Variants in LIPE observed in about 807,000 individuals in gnomAD.
The protein encoded by LIPE is hormone-sensitive lipase.
In LIPE, 66 loss-of-function variants were observed where a neutral mutation model predicts 88.5. The ratio of observed to expected loss-of-function variants is 0.75; its 90% confidence interval spans 0.61 to 0.91. The LOEUF (loss-of-function observed/expected upper bound fraction) is 0.91. Ranked by LOEUF, LIPE falls within the 40% of genes least tolerant of loss-of-function variation. The probability of loss-of-function intolerance (pLI) is 0.00; values close to 1 mark genes in which losing one functional copy is unlikely to be tolerated. For missense variants in LIPE, 1,346 were observed against 1,434.7 expected, an observed-to-expected ratio of 0.94 and a Z score of 1.00; for synonymous variants, 570 against 617.5, an observed-to-expected ratio of 0.92 and a Z score of 1.14.
chr19:42,413,922 G>T (rs2040435564), intron 1 of LIPE, among the ~76,000 whole-genome samples: 1 of 152,208 alleles, frequency 6.6e-6, no homozygotes, highest in African/African-American at 2.4e-5. Flanking sequence ...CCTCCCCAGG[G>T]CTGGCAGACA....
At position 42,401,959 on chromosome 19, in the gene LIPE, G is replaced by C; in HGVS notation, c.3084C>G (p.Thr1028=). The C allele has an allele frequency of 6.4e-7, 1 of 1,558,442 alleles. No individual in the cohort carries two copies. Reference sequence around the variant, plus strand: ...GCGTCTCGCGGCACAGCGCCGCTAGGGTCAGGAAGCCGTGCGGCAGGTCCT... The same window carrying C: ...GCGTCTCGCGGCACAGCGCCGCTAGCGTCAGGAAGCCGTGCGGCAGGTCCT... ...VVEDLPHGFL[T]LAALCRETRQ... Residue 1028 remains threonine, a synonymous_variant, in exon 10 of 10, where the codon ACC becomes ACG. Coordinates refer to ENST00000244289, the MANE Select transcript of LIPE (RefSeq NM_005357.4).
At chr19:42,402,326 C>A (rs1196147706) in intron 9 of LIPE, among the ~76,000 whole-genome samples, 1 of 152,098 alleles carries the variant, frequency 6.6e-6, no homozygotes, top group African/African-American at 2.4e-5. Context: ...CTCCCCACCC[C>A]GCCAAACCCA....
intron 1 of LIPE, chr19:42,423,441 C>T (rs1405687666): frequency 7.8e-7 from 1 of 1,289,530 alleles, no homozygotes; most frequent in Admixed American, 2.3e-5. Flanking sequence ...CTTTTCGCCA[C>T]CGCCGGCGAC....
rs540099534 is a variant in LIPE at position 42,414,853 on chromosome 19, C to G, written c.884-4011G>C. Among the ~76,000 whole-genome samples the G allele has an allele frequency of 6.6e-6, 1 of 152,190 alleles. No homozygotes were observed. On this transcript the variant is annotated intron_variant, in intron 1 of 9. Coordinates refer to ENST00000244289, the MANE Select transcript of LIPE (RefSeq NM_005357.4). This position sits in a 1 kb window ranked among gnomAD's most constrained non-coding sequence, Gnocchi z 4.6. ...GTCCACGTAAGAGGGCGAACTTTACCGATTAATGCTGTGTGTGTTCTGACT... is the reference window on the plus strand; with the variant it reads ...GTCCACGTAAGAGGGCGAACTTTACGGATTAATGCTGTGTGTGTTCTGACT...
rs778774638 is a variant in LIPE at position 42,410,429 on chromosome 19, G to C, written c.1297C>G (p.Leu433Val). ...AGTACCCCCGGCCGATTGGTAACCAGCAGGCGCTGGGCGTAGTAGACCAGA... is the reference window on the plus strand; with the variant it reads ...AGTACCCCCGGCCGATTGGTAACCACCAGGCGCTGGGCGTAGTAGACCAGA... Reference protein sequence around the residue: ...RALVYYAQRLLVTNRPGVLFF... With the variant: ...RALVYYAQRLVVTNRPGVLFF... The change falls in exon 2 of 10, where the codon CTG becomes GTG. Residue 433 changes from leucine to valine, a missense_variant. Leu to Val is a conservative substitution (Grantham distance 32). Transcript: ENST00000244289. This position sits in a 1 kb window ranked among gnomAD's most constrained non-coding sequence, Gnocchi z 6.1. 1.2e-6 allele frequency: 2 copies of C among 1,614,098 alleles called. No individual in the cohort carries two copies. The highest frequency in any genetic ancestry group is 1.7e-5 in the Admixed American group (1 of 60,016).
At chr19:42,426,191 C>T (rs1043157239) in intron 1 of LIPE, 76 bp downstream of exon 1, 25 of 1,449,232 alleles carry the variant, frequency 1.7e-5, no homozygotes, top group South Asian at 6.8e-5. Flanking sequence ...CCTGATACAC[C>T]GTAAGTTTTT....
chr19:42,416,736 T>G (rs2040494939), intron 1 of LIPE, among the ~76,000 whole-genome samples: 1 of 152,204 alleles, frequency 6.6e-6, no homozygotes, highest in Non-Finnish European at 1.5e-5. Flanking sequence ...TACTGAATAT[T>G]TCAAGCCCAC....
intron 1 of LIPE, among the ~76,000 whole-genome samples, chr19:42,417,786 C>T (rs1009979267): frequency 6.6e-6 from 1 of 151,902 alleles, no homozygotes; most frequent in Non-Finnish European, 1.5e-5. Context: ...TTTGGGAGGC[C>T]AAGGCAGGAA....
At chr19:42,416,293 G>A (rs571166037) in intron 1 of LIPE, among the ~76,000 whole-genome samples, 1 of 152,090 alleles carries the variant, frequency 6.6e-6, no homozygotes, top group East Asian at 1.9e-4. Context: ...GCAGTGAGCC[G>A]AGATCGTGCC....
chr19:42,423,471 T>C, intron 1 of LIPE: 1 of 1,288,704 alleles, frequency 7.8e-7, no homozygotes, highest in South Asian at 1.2e-5. Context: ...TTGAGCCCTC[T>C]TTGGCATTCT....
Position 42,408,153 on chromosome 19 carries a change from A to G in LIPE, c.1511-32T>C, listed in dbSNP as rs1166933997. 1.2e-6 allele frequency: 2 copies of G among 1,613,852 alleles called. No homozygotes were observed. Among genetic ancestry groups the G allele is most frequent in the African/African-American group, 1.3e-5 (1 of 74,890 alleles). On this transcript the variant is annotated intron_variant, in intron 3 of 9. Coordinates refer to ENST00000244289, the MANE Select transcript of LIPE (RefSeq NM_005357.4). This position sits in a 1 kb window ranked among gnomAD's most constrained non-coding sequence, Gnocchi z 4.3. The stretch of plus-strand genomic sequence containing the variant: ...GTCAGAAGGGGTGTCAGGGAGCCCC[A>G]GTGGGTCAGGCTGCTTGGGCAGGAG...
Position 42,406,298 on chromosome 19 carries a change from A to C in LIPE, c.2228T>G (p.Val743Gly), listed in dbSNP as rs1037735720. 1 of 1,613,808 alleles carries C rather than the reference A, an allele frequency of 6.2e-7. No individual in the cohort carries two copies. Among genetic ancestry groups the C allele is most frequent in the Non-Finnish European group, 8.5e-7 (1 of 1,179,934 alleles). ...TGCCATGATGCCATCTGGCACCCGC[A>C]CCCCGTAGGCTGCTGCCCGAAGAGC... ...TVALRAAAYG[V>G]RVPDGIMAAY... is the part of the protein sequence containing the mutation. Residue 743 changes from valine to glycine, a missense_variant, in exon 7 of 10, where the codon GTG (valine) becomes GGG (glycine). By Grantham distance (109) the Val-to-Gly change is moderately radical. Coordinates refer to ENST00000244289, the MANE Select transcript of LIPE (RefSeq NM_005357.4). This position sits in a 1 kb window ranked among gnomAD's most constrained non-coding sequence, Gnocchi z 5.7.
At chr19:42,413,478 A>C (rs1389501788) in intron 1 of LIPE, among the ~76,000 whole-genome samples, 4 of 152,210 alleles carry the variant, frequency 2.6e-5, no homozygotes, top group Admixed American at 2.0e-4. Flanking sequence ...ATCCTGGCTA[A>C]CACGGTGAAA....
At position 42,407,630 on chromosome 19, in the gene LIPE, G is replaced by A. The variant is rs1217969957; in HGVS notation, c.1818C>T (p.Ile606=). Residue 606 remains isoleucine, a synonymous_variant, in exon 5 of 10, where the codon ATC becomes ATT. Coordinates refer to ENST00000244289, the MANE Select transcript of LIPE (RefSeq NM_005357.4). This position sits in a 1 kb window ranked among gnomAD's most constrained non-coding sequence, Gnocchi z 5.8. ...TGPGPVLVRL[I]SYDLREGQDS... ...CCTGTCCTTCACGCAGGTCATAGGA[G>A]ATGAGCCTGACGAGGACGGGCCCAG... 3 of 1,611,386 alleles carry A rather than the reference G, an allele frequency of 1.9e-6. No individual in the cohort carries two copies. In the South Asian group the frequency reaches 3.3e-5, roughly 18 times the overall value.
chr19:42,402,346 TC>T (rs1344611770), intron 9 of LIPE, among the ~76,000 whole-genome samples: 1 of 151,980 alleles, frequency 6.6e-6, no homozygotes, highest in Non-Finnish European at 1.5e-5. Flanking sequence ...ACCTTTTTTT[TC>T]TCTTGATTCT....
chr19:42,413,316 T>C (rs957739993), intron 1 of LIPE, among the ~76,000 whole-genome samples: 1 of 152,272 alleles, frequency 6.6e-6, no homozygotes, highest in Non-Finnish European at 1.5e-5. Flanking sequence ...ATGAAACTTA[T>C]AAGGTACCGG....
chr19:42,402,714 C>A lies in LIPE; in HGVS notation c.2860G>T (p.Ala954Ser). The stretch of plus-strand genomic sequence containing the variant: ...GAGGAGTAGAGGGGCATCTGTGTGG[C>A]ACCCTGGCTGGAGCGTCGGGGGTGG... ...GFHPRRSSQG[A>S]TQMPLYSSPI... The change falls in exon 9 of 10, where the codon GCC (alanine) becomes TCC (serine). Residue 954 changes from alanine (A) to serine (S), a missense_variant. Coordinates refer to ENST00000244289, the MANE Select transcript of LIPE (RefSeq NM_005357.4). The A allele has an allele frequency of 6.5e-7, 1 of 1,546,790 alleles. No individual in the cohort carries two copies. The highest frequency in any genetic ancestry group is 1.2e-5 in the South Asian group (1 of 81,296).
Position 42,426,277 on chromosome 19 carries a change from G to T in LIPE, c.873C>A (p.Tyr291Ter), listed in dbSNP as rs2040705848. ...EKTSARNHRHYQDTASRLIHN... is the reference protein window; with the variant it reads ...EKTSARNHRH The stretch of plus-strand genomic sequence containing the variant: ...CAGATTCACACTCACCTGTATCCTG[G>T]TAGTGTCTGTGATTCCGAGCACTGG... The change falls in exon 1 of 10, where the codon TAC becomes TAA. Residue 291 changes from tyrosine (Y) to a stop codon, truncating the protein, a stop_gained. Transcript: ENST00000244289. LOFTEE classifies it high-confidence loss of function. 3.7e-6 allele frequency: 6 copies of T among 1,600,592 alleles called. No individual in the cohort carries two copies. The highest frequency in any genetic ancestry group is 5.1e-6 in the Non-Finnish European group (6 of 1,168,826).
rs1023891508 is a variant in LIPE, at chr19:42,427,298, T to C, written c.-149A>G. 1.4e-6 allele frequency: 2 copies of C among 1,395,254 alleles called. No homozygotes were observed. The highest frequency in any genetic ancestry group is 1.9e-6 in the Non-Finnish European group (2 of 1,074,724). 86.4% of individuals were successfully genotyped at this position (1,395,254 alleles called of 1,614,324 possible). On this transcript the variant is annotated 5_prime_UTR_variant, in exon 1 of 10. Transcript: ENST00000244289. Reference sequence around the variant, plus strand: ...TCCATCCTAGCATCACTGGTCTTCCTTTTTAAGGCAGCTGGCAGTTGGCCG... The same window carrying C: ...TCCATCCTAGCATCACTGGTCTTCCCTTTTAAGGCAGCTGGCAGTTGGCCG...
Sources: gnomAD v4.1 joint callset for allele counts (sites outside exome capture counted in the v4.1 genomes callset) on GRCh38, gnomAD v4.1.1 for gene constraint, Gnocchi (gnomAD v3.1) non-coding constraint, MANE v1.5 for transcripts, NCBI Gene and HGNC (gene_info 2026-07-23, HGNC 2026-07-21) for gene names.